Variants in PLXND1 observed in about 807,000 individuals in gnomAD.
PLXND1 encodes plexin-D1.
Under a neutral mutation model 197.7 loss-of-function variants are expected in PLXND1, and 54 were observed. The ratio of observed to expected loss-of-function variants is 0.27; its 90% CI spans 0.22 to 0.34. The LOEUF (loss-of-function observed/expected upper bound fraction) is 0.34. Ranked by LOEUF, PLXND1 falls within the 10% of genes least tolerant of loss-of-function variation. The pLI, the probability that PLXND1 is intolerant of heterozygous loss-of-function variation, is 1.00. For missense variants in PLXND1, 2,127 were observed against 2,699.2 expected (o/e 0.79, Z 4.70); for synonymous variants, 1,180 against 1,161.2 (o/e 1.02, Z -0.33).
At chr3:129,588,459 C>A (rs990267175) in intron 2 of PLXND1, among the ~76,000 whole-genome samples, 3 of 139,026 alleles carry the variant, frequency 2.2e-5, no homozygotes, top group Non-Finnish European at 4.7e-5. Flanking sequence ...AGCAGCAGAG[C>A]CAGACTCCGA....
At chr3:129,562,070 C>T (rs2085070068) in intron 27 of PLXND1, among the ~76,000 whole-genome samples, 167 bp from the exon 28 acceptor site, 1 of 152,002 alleles carries the variant, frequency 6.6e-6, no homozygotes, top group East Asian at 1.9e-4. Context: ...ATGGGGAGGG[C>T]AGGAAAGAGC....
intron 8 of PLXND1, among the ~76,000 whole-genome samples, chr3:129,580,627 G>T (rs1246679117): frequency 6.6e-6 from 1 of 152,070 alleles, no homozygotes; most frequent in East Asian, 1.9e-4. Context: ...ATCCCCGAGG[G>T]CCACCCCACT....
Position 129,584,133 on chromosome 3 carries a change from G to T in PLXND1, c.2130C>A (p.Pro710=). Residue 710 remains proline (P), a synonymous_variant, in exon 7 of 36, where the codon CCC becomes CCA. Transcript: ENST00000324093. The part of the protein sequence containing the change: ...YDCSRTAQVY[P]HTACTSCLSA... The stretch of plus-strand genomic sequence containing the variant: ...CCACCCAAGCCACTCACGCTGTGTG[G>T]GGGTACACTTGTGCAGTGCGGCTGC... 1 of 1,558,506 alleles carries T rather than the reference G, an allele frequency of 6.4e-7. No individual in the cohort carries two copies. The highest frequency in any genetic ancestry group is 2.4e-5 in the East Asian group (1 of 42,250).
Position 129,555,615 on chromosome 3 carries a change from G to GTGCA in PLXND1, c.*693_*696dup. The stretch of plus-strand genomic sequence containing the variant: ...ATCAAGTAGCCCAGCTACAGCCTCG[G>GTGCA]TGCATCTTAACCCCTCTCCTTTTCC... On this transcript the variant is annotated 3_prime_UTR_variant, in exon 36 of 36. Transcript: ENST00000324093. The GTGCA allele has an allele frequency of 1.6e-6, 1 of 614,754 alleles. No homozygotes were observed. Among genetic ancestry groups the GTGCA allele is most frequent in the Non-Finnish European group, 2.9e-6 (1 of 348,312 alleles). 38.1% of individuals were successfully genotyped at this position (614,754 alleles called of 1,614,324 possible).
chr3:129,571,855 C>T lies in PLXND1; in HGVS notation c.3078-11G>A, dbSNP rs780544335. 21 of 1,601,012 alleles carry T rather than the reference C, an allele frequency of 1.3e-5. No individual in the cohort carries two copies. In the South Asian group the frequency reaches 2.3e-4, roughly 18 times the overall value. ...CTGGTATCTGTGCGCCTGGGGGGAG[C>T]AGCAGGTTATCAGCAGGGCCTGCCT... is the stretch of plus-strand genomic sequence containing the variant. On this transcript the variant is annotated splice_polypyrimidine_tract_variant and intron_variant, in intron 15 of 35. Transcript: ENST00000324093.
At chr3:129,585,256 C>A (rs954159447) in intron 5 of PLXND1, among the ~76,000 whole-genome samples, 4 of 152,312 alleles carry the variant, frequency 2.6e-5, no homozygotes, top group Non-Finnish European at 2.9e-5. Context: ...CAGCTACAGG[C>A]CAGAGCCGGG....
rs758467214 is a variant in PLXND1, at chr3:129,586,687, G to A, written c.1521C>T (p.Ser507=). The change falls in exon 3 of 36, where the codon AGC becomes AGT. Residue 507 remains serine, a synonymous_variant. Transcript: ENST00000324093. ...CATAGGCCACAGTCACCACCCGCCTGCTCACCACCTGCATGCTCTCGTTCA... is the reference window on the plus strand; with the variant it reads ...CATAGGCCACAGTCACCACCCGCCTACTCACCACCTGCATGCTCTCGTTCA... ...INLNESMQVV[S]RRVVTVAYGE... 7.5e-6 allele frequency: 12 copies of A among 1,596,632 alleles called. No homozygotes were observed. In the South Asian group the frequency reaches 1.4e-4, roughly 18 times the overall value.
chr3:129,564,729 T>C lies in PLXND1; in HGVS notation c.4521+611A>G, dbSNP rs143626536. ...ACCCTCTTCCCAGCCTCCGCTCTCATCCAGAAGATTCTTTGGCCTTCCTTC... is the reference window on the plus strand; with the variant it reads ...ACCCTCTTCCCAGCCTCCGCTCTCACCCAGAAGATTCTTTGGCCTTCCTTC... On this transcript the variant is annotated intron_variant, in intron 25 of 35. Transcript: ENST00000324093. 2.4e-3 allele frequency among the ~76,000 whole-genome samples: 371 copies of C among 152,364 alleles called. 3 individuals carry two copies. The highest frequency in any genetic ancestry group is 2.9e-3 in the South Asian group (14 of 4,830).
At chr3:129,602,284 G>A (rs1438369098) in intron 1 of PLXND1, among the ~76,000 whole-genome samples, 2 of 152,110 alleles carry the variant, frequency 1.3e-5, no homozygotes, top group Admixed American at 6.5e-5. Context: ...GTCTCCCCAG[G>A]CCTCCCTGGC....
chr3:129,603,679 G>T (rs183261597), intron 1 of PLXND1, among the ~76,000 whole-genome samples: 206 of 152,286 alleles, frequency 1.4e-3, no homozygotes, highest in Non-Finnish European at 2.1e-3. Context: ...GTGGGCAGTC[G>T]TGGGAGACCG....
intron 8 of PLXND1, among the ~76,000 whole-genome samples, chr3:129,579,668 C>T (rs974354858): frequency 6.6e-6 from 1 of 152,208 alleles, no homozygotes; most frequent in Non-Finnish European, 1.5e-5. Flanking sequence ...CTACAACCAC[C>T]CTTCAGCTCA....
chr3:129,560,083 T>C (rs1422290403), intron 31 of PLXND1, among the ~76,000 whole-genome samples: 1 of 152,238 alleles, frequency 6.6e-6, no homozygotes, highest in African/African-American at 2.4e-5. Context: ...GGGCCTCTGC[T>C]GTACCCTGTT....
At position 129,606,379 on chromosome 3, in the gene PLXND1, C is replaced by T; in HGVS notation, c.261G>A (p.Leu87=). The change falls in exon 1 of 36, where the codon CTG becomes CTA. Residue 87 remains leucine, a synonymous_variant. Coordinates refer to ENST00000324093, the MANE Select transcript of PLXND1 (RefSeq NM_015103.3). ...NRLYQLSGAN[L]SLEAEAAVGP... Reference sequence around the variant, plus strand: ...CCACGGCCGCCTCGGCCTCCAGGCTCAGGTTGGCGCCCGACAGCTGATAGA... The same window carrying T: ...CCACGGCCGCCTCGGCCTCCAGGCTTAGGTTGGCGCCCGACAGCTGATAGA... 3 of 1,505,890 alleles carry T rather than the reference C, an allele frequency of 2.0e-6. No individual in the cohort carries two copies. The highest frequency in any genetic ancestry group is 1.3e-5 in the South Asian group (1 of 78,600). 93.3% of individuals were successfully genotyped at this position (1,505,890 alleles called of 1,614,324 possible). A position where few individuals can be genotyped will look rare whatever the true frequency, so the allele number is the denominator to read the frequency against.
At chr3:129,570,226 T>C (rs1359885444) in intron 19 of PLXND1, among the ~76,000 whole-genome samples, 1 of 152,050 alleles carries the variant, frequency 6.6e-6, no homozygotes, top group Middle Eastern at 3.4e-3. Context: ...GAGTAGTGAG[T>C]GAGCAAGAGG....
chr3:129,581,147 C>T (rs548284355), intron 8 of PLXND1, among the ~76,000 whole-genome samples: 29 of 152,354 alleles, frequency 1.9e-4, no homozygotes, highest in African/African-American at 6.0e-4. Context: ...CGAGGGGCCA[C>T]GTGGTGTGCA....
chr3:129,589,307 G>GCCGGGGCC, intron 2 of PLXND1, 44 bp downstream of exon 2: 8 of 684,692 alleles, frequency 1.2e-5, no homozygotes, highest in East Asian at 7.2e-5. Context: ...TCCCAGGGGA[G>GCCGGGGCC]CCTCCCACCC....
chr3:129,560,985 GAC>G (rs1380375994), intron 29 of PLXND1: 3 of 614,406 alleles, frequency 4.9e-6, no homozygotes, highest in East Asian at 3.4e-5. Flanking sequence ...GAGATCCAGA[GAC>G]ACACAGCGAG....
intron 25 of PLXND1, 145 bp downstream of exon 25, chr3:129,565,195 G>A (rs2085119998): frequency 1.9e-5 from 13 of 672,976 alleles, no homozygotes; most frequent in South Asian, 1.2e-4. Context: ...CAGGTCCTAC[G>A]GGCCTGGCCT....
chr3:129,563,627 C>A (rs1286259029), intron 25 of PLXND1, among the ~76,000 whole-genome samples: 1 of 152,170 alleles, frequency 6.6e-6, no homozygotes, highest in Non-Finnish European at 1.5e-5. Context: ...AAGTGGGGGG[C>A]CCCCAAGTGT....
Sources: allele counts gnomAD v4.1 joint callset (sites outside exome capture counted in the v4.1 genomes callset), GRCh38; gene constraint gnomAD v4.1.1; transcripts MANE v1.5; gene names NCBI Gene and HGNC (gene_info 2026-07-23, HGNC 2026-07-21).